The following KSR2 variants were observed in gnomAD, a reference collection of about 807,000 sequenced individuals.
The protein encoded by KSR2 is kinase suppressor of ras 2.
A neutral mutation model predicts 107.8 loss-of-function variants in KSR2; 25 were observed. That is an observed-to-expected ratio of 0.23 (90% confidence interval 0.17 to 0.32). The LOEUF (loss-of-function observed/expected upper bound fraction) is 0.32, where lower values mean the gene tolerates loss of function less well. KSR2 is among the 10% of genes least tolerant of loss of function. The pLI, the probability that KSR2 is intolerant of heterozygous loss-of-function variation, is 1.00. For synonymous variants in KSR2, 480 were observed against 507.0 expected, an observed-to-expected ratio of 0.95 and a Z score of 0.71; for missense variants, 887 against 1,268.9, an observed-to-expected ratio of 0.70 and a Z score of 4.57.
chr12:117,714,306 T>G (rs1886898447), intron 4 of KSR2, among the ~76,000 whole-genome samples: 1 of 152,116 alleles, frequency 6.6e-6, no homozygotes, highest in African/African-American at 2.4e-5. Context: ...CATGTACGCC[T>G]CTTATGCTGA....
At chr12:117,751,508 T>A (rs11614143) in intron 4 of KSR2, among the ~76,000 whole-genome samples, 1 of 151,976 alleles carries the variant, frequency 6.6e-6, no homozygotes. Flanking sequence ...AAATTGCCCC[T>A]TGTTGGTAGA....
At chr12:117,737,532 C>T (rs1256404347) in intron 4 of KSR2, among the ~76,000 whole-genome samples, 1 of 152,074 alleles carries the variant, frequency 6.6e-6, no homozygotes, top group Non-Finnish European at 1.5e-5. Flanking sequence ...CCTGTAATCC[C>T]ACCACTTTGG....
chr12:117,702,756 C>T (rs187741338), intron 4 of KSR2, among the ~76,000 whole-genome samples: 168 of 152,328 alleles, frequency 1.1e-3, no homozygotes, highest in Middle Eastern at 3.4e-3. Context: ...TCTCCAATCA[C>T]TTTCAAATGG....
chr12:117,538,424 T>C (rs1592970239), intron 10 of KSR2, among the ~76,000 whole-genome samples: 1 of 151,998 alleles, frequency 6.6e-6, no homozygotes, highest in Non-Finnish European at 1.5e-5. Context: ...TGTCCTCAGA[T>C]GGATGGATGG....
At chr12:117,598,188 C>T (rs193205351) in intron 5 of KSR2, among the ~76,000 whole-genome samples, 72 of 152,302 alleles carry the variant, frequency 4.7e-4, no homozygotes, top group Middle Eastern at 6.8e-3. Context: ...TATGCCTTTG[C>T]ATCCCCATAG....
chr12:117,523,200 G>A (rs1443974325), intron 14 of KSR2, among the ~76,000 whole-genome samples: 2 of 152,202 alleles, frequency 1.3e-5, no homozygotes, highest in African/African-American at 4.8e-5. Flanking sequence ...GTTCTCATAA[G>A]TGGACTTAAG....
intron 1 of KSR2, among the ~76,000 whole-genome samples, chr12:117,944,001 C>T (rs928138526): frequency 2.0e-5 from 3 of 152,180 alleles, no homozygotes; most frequent in Non-Finnish European, 4.4e-5. Context: ...CATGATTGTG[C>T]CTTTCACCTT....
chr12:117,865,703 C>T (rs912386236), intron 1 of KSR2, among the ~76,000 whole-genome samples: 1 of 152,082 alleles, frequency 6.6e-6, no homozygotes, highest in Non-Finnish European at 1.5e-5. Flanking sequence ...AAGCCAGTGA[C>T]GTCATGCCTC....
intron 3 of KSR2, among the ~76,000 whole-genome samples, chr12:117,825,632 C>CA (rs1327943839): frequency 6.6e-6 from 1 of 152,066 alleles, no homozygotes; most frequent in East Asian, 1.9e-4. Flanking sequence ...CAGTATTTGT[C>CA]AGATTCTCAA....
chr12:117,574,047 C>T (rs1208595719), intron 7 of KSR2, among the ~76,000 whole-genome samples: 2 of 152,106 alleles, frequency 1.3e-5, no homozygotes, highest in East Asian at 1.9e-4. Context: ...TAAACCACTA[C>T]TTCTAATGTA....
At chr12:117,916,103 A>G (rs1321909907) in intron 1 of KSR2, among the ~76,000 whole-genome samples, 1 of 146,736 alleles carries the variant, frequency 6.8e-6, no homozygotes, top group African/African-American at 2.5e-5. Context: ...TCTCTACAAG[A>G]CTTTTTAAAT....
intron 14 of KSR2, among the ~76,000 whole-genome samples, chr12:117,486,084 A>C (rs1235722704): frequency 6.6e-6 from 1 of 152,210 alleles, no homozygotes; most frequent in Non-Finnish European, 1.5e-5. Flanking sequence ...TGCACTTACC[A>C]GGAGTCAGTG....
intron 14 of KSR2, among the ~76,000 whole-genome samples, chr12:117,523,605 A>G (rs975720519): frequency 1.3e-5 from 2 of 152,222 alleles, no homozygotes; most frequent in Non-Finnish European, 2.9e-5. Flanking sequence ...CTTTGTACCC[A>G]TAGACCACAG....
intron 3 of KSR2, among the ~76,000 whole-genome samples, chr12:117,772,263 TC>T (rs1263450802): frequency 1.4e-5 from 1 of 69,208 alleles, no homozygotes; most frequent in Non-Finnish European, 2.7e-5. Flanking sequence ...TACACACCAT[TC>T]CCCCAAAGAC....
At chr12:117,866,611 C>T (rs1185958909) in intron 1 of KSR2, among the ~76,000 whole-genome samples, 1 of 152,100 alleles carries the variant, frequency 6.6e-6, no homozygotes, top group Middle Eastern at 3.2e-3. Context: ...TGGTGGACCA[C>T]CTGAGGTCGG....
chr12:117,528,874 AAGC>A (rs1358064945), intron 12 of KSR2, among the ~76,000 whole-genome samples: 2 of 152,234 alleles, frequency 1.3e-5, no homozygotes, highest in Non-Finnish European at 2.9e-5. Context: ...AGCAGATCGC[AAGC>A]AGCTATTGAC....
intron 1 of KSR2, among the ~76,000 whole-genome samples, chr12:117,914,684 G>A (rs1013836761): frequency 6.6e-6 from 1 of 152,042 alleles, no homozygotes; most frequent in African/African-American, 2.4e-5. Context: ...ACAGGCGTGT[G>A]CCACCACACC....
At chr12:117,857,729 G>A (rs1300860804) in intron 2 of KSR2, among the ~76,000 whole-genome samples, 1 of 152,164 alleles carries the variant, frequency 6.6e-6, no homozygotes, top group Non-Finnish European at 1.5e-5. Flanking sequence ...TTACAGACTA[G>A]GACAGTAAAA....
intron 4 of KSR2, among the ~76,000 whole-genome samples, chr12:117,667,991 G>A (rs546560222): frequency 6.6e-6 from 1 of 152,158 alleles, no homozygotes; most frequent in African/African-American, 2.4e-5. Flanking sequence ...TAAACATCTC[G>A]AGTCTCCAGA....
Sources: allele counts gnomAD v4.1 joint callset (sites outside exome capture counted in the v4.1 genomes callset), GRCh38; gene constraint gnomAD v4.1.1; transcripts MANE v1.5; gene names NCBI Gene and HGNC (gene_info 2026-07-23, HGNC 2026-07-21).